The following ZNF799 variants were observed in gnomAD, a reference collection of about 807,000 sequenced individuals.
ZNF799 encodes the protein zinc finger protein 799.
In ZNF799, 28 loss-of-function variants were observed where a neutral mutation model predicts 41.0. The observed-to-expected ratio is 0.68, with a 90% CI of 0.51 to 0.94. The LOEUF is 0.94. Among genes scored for constraint, ZNF799 ranks in the 40% least tolerant of loss-of-function variants. ZNF799 has a pLI of 0.00. For synonymous variants in ZNF799, 213 were observed against 252.9 expected (o/e 0.84, Z 1.50); for missense variants, 716 against 764.3 (o/e 0.94, Z 0.74).
At chr19:12,392,454 G>C (rs1435396549) in intron 3 of ZNF799, 149 bp downstream of exon 3, 3 of 764,154 alleles carry the variant, frequency 3.9e-6, no homozygotes, top group Non-Finnish European at 6.5e-6. Flanking sequence ...AACAGCTATG[G>C]AACATTTAAG....
chr19:12,399,762 GC>G (rs1341384275), intron 1 of ZNF799, among the ~76,000 whole-genome samples: 1 of 150,796 alleles, frequency 6.6e-6, no homozygotes, highest in Non-Finnish European at 1.5e-5. Context: ...TCCCACCTCA[GC>G]CTCAGGAGTA....
the ZNF799 span, among the ~76,000 whole-genome samples, chr19:12,408,947 A>T: frequency 6.6e-6 from 1 of 152,014 alleles, no homozygotes; most frequent in African/African-American, 2.4e-5. Flanking sequence ...AGGCAGGAGA[A>T]TCACTTGCAC....
upstream of ZNF799, among the ~76,000 whole-genome samples, chr19:12,405,931 T>C (rs1487794853): frequency 6.6e-6 from 1 of 152,036 alleles, no homozygotes; most frequent in African/African-American, 2.4e-5. Context: ...TCCCAGCACT[T>C]TGGGAGGCCG....
Position 12,391,506 on chromosome 19 carries a change from T to A in ZNF799, c.892A>T (p.Arg298Ter). 6.2e-7 allele frequency: 1 copy of A among 1,614,106 alleles called. No homozygotes were observed. Among genetic ancestry groups the A allele is most frequent in the Admixed American group, 1.7e-5 (1 of 60,016 alleles). ...TCATCAGTGTGAGTTGTTTCGTGTC[T>A]TCGAAGGGAAGTGGAAGCACTGAAG... ...KAFSASTSLR[R>*]HETTHTDEKP... Residue 298 changes from arginine (R) to a stop codon, truncating the protein, a stop_gained, in exon 4 of 4, where the codon AGA becomes TGA. Transcript: ENST00000430385. LOFTEE classifies it high-confidence loss of function.
chr19:12,414,302 C>T, the ZNF799 span, among the ~76,000 whole-genome samples: 1 of 152,182 alleles, frequency 6.6e-6, no homozygotes, highest in Non-Finnish European at 1.5e-5. Context: ...ACAGAGCGAT[C>T]TTCTTGCCTA....
chr19:12,402,551 A>G (rs2144915030), upstream of ZNF799, among the ~76,000 whole-genome samples: 1 of 151,240 alleles, frequency 6.6e-6, no homozygotes, highest in East Asian at 2.0e-4. Flanking sequence ...CTCATTCATT[A>G]TCATGCTAGC....
rs1280951936 is a variant in ZNF799 at position 12,391,506 on chromosome 19, T to C, written c.892A>G (p.Arg298Gly). 2.5e-6 allele frequency: 4 copies of C among 1,614,106 alleles called. No homozygotes were observed. The highest frequency in any genetic ancestry group is 3.4e-6 in the Non-Finnish European group (4 of 1,179,972). ...TCATCAGTGTGAGTTGTTTCGTGTC[T>C]TCGAAGGGAAGTGGAAGCACTGAAG... Reference protein sequence around the residue: ...KAFSASTSLRRHETTHTDEKP... With the variant: ...KAFSASTSLRGHETTHTDEKP... The change falls in exon 4 of 4, where the codon AGA becomes GGA. Residue 298 changes from arginine to glycine, a missense_variant. Physicochemically the swap from Arg to Gly is moderately radical, Grantham distance 125. Transcript: ENST00000430385.
chr19:12,414,836 G>A, the ZNF799 span, among the ~76,000 whole-genome samples: 2 of 152,224 alleles, frequency 1.3e-5, no homozygotes, highest in East Asian at 3.9e-4. Context: ...GCCAAACTCT[G>A]ACTCCTGAAA....
rs1438615689 is a variant in ZNF799 at position 12,390,487 on chromosome 19, A to G, written c.1911T>C (p.His637=). The change falls in exon 4 of 4, where the codon CAT becomes CAC. Residue 637 remains histidine, a synonymous_variant. Coordinates refer to ENST00000430385, the MANE Select transcript of ZNF799 (RefSeq NM_001080821.3). ...AATGCTAGTGAGTCTTTTTATGTCT[A>G]TGCAAGGAACTGAGAGAAGCAAATG... is the stretch of plus-strand genomic sequence containing the variant. ...GKAFASLSSL[H]RHKKTH 6.2e-7 allele frequency: 1 copy of G among 1,613,968 alleles called. No homozygotes were observed. The highest frequency in any genetic ancestry group is 1.1e-5 in the South Asian group (1 of 91,074).
the ZNF799 span, among the ~76,000 whole-genome samples, chr19:12,411,128 A>T: frequency 1.3e-5 from 2 of 152,202 alleles, no homozygotes; most frequent in African/African-American, 4.8e-5. Flanking sequence ...GCCATGTAAG[A>T]ATATAAAAGG....
chr19:12,410,882 A>C, the ZNF799 span, among the ~76,000 whole-genome samples: 1 of 152,340 alleles, frequency 6.6e-6, no homozygotes, highest in African/African-American at 2.4e-5. Flanking sequence ...AATTAGACCC[A>C]TGTAATACGA....
intron 1 of ZNF799, among the ~76,000 whole-genome samples, chr19:12,398,455 T>C (rs902109409): frequency 2.0e-5 from 3 of 152,316 alleles, no homozygotes; most frequent in South Asian, 4.1e-4. Context: ...GGAAGGAAAT[T>C]GTAAGGCACT....
chr19:12,393,057 A>G (rs1178043030), intron 2 of ZNF799, among the ~76,000 whole-genome samples: 2 of 145,242 alleles, frequency 1.4e-5, no homozygotes, highest in Non-Finnish European at 3.0e-5. Context: ...GACATAAAAT[A>G]TATGTATTAA....
In ZNF799 at chr19:12,401,271, C is replaced by T. The variant is rs187635749; in HGVS notation, c.-201G>A. 633 of 1,371,976 alleles carry T rather than the reference C, an allele frequency of 4.6e-4. 3 individuals are homozygous for T. The African/African-American group carries it at 6.3e-3, about 14-fold the overall frequency. 85.0% of individuals were successfully genotyped at this position (1,371,976 alleles called of 1,614,324 possible). A position where few individuals can be genotyped will look rare whatever the true frequency, so the allele number is the denominator to read the frequency against. On this transcript the variant is annotated 5_prime_UTR_variant, in exon 1 of 4. Coordinates refer to ENST00000430385, the MANE Select transcript of ZNF799 (RefSeq NM_001080821.3). ...TCCTCTGGGAAGCGCGCCTGATTGACAGTTCCCACGAACCCGCCCCACGGC... is the reference window on the plus strand; with the variant it reads ...TCCTCTGGGAAGCGCGCCTGATTGATAGTTCCCACGAACCCGCCCCACGGC...
Position 12,391,013 on chromosome 19 carries a change from G to T in ZNF799, c.1385C>A (p.Ser462Tyr), listed in dbSNP as rs1419741296. ...KCGKAFIDFY[S>Y]FQNHKTTHAG... ...ATGAGTTGTTTTGTGATTTTGAAAG[G>T]AATAGAAATCAATAAAGGCTTTCCC... Residue 462 changes from serine to tyrosine, a missense_variant, in exon 4 of 4, where the codon TCC (serine) becomes TAC (tyrosine). By Grantham distance (144) the Ser-to-Tyr change is moderately radical. Transcript: ENST00000430385. The T allele has an allele frequency of 6.2e-7, 1 of 1,614,078 alleles. No individual in the cohort carries two copies. Among genetic ancestry groups the T allele is most frequent in the South Asian group, 1.1e-5 (1 of 91,068 alleles).
rs547178436 is a variant in ZNF799, at chr19:12,392,013, T to C, written c.385A>G (p.Lys129Glu). The C allele has an allele frequency of 1.4e-5, 23 of 1,614,210 alleles. No homozygotes were observed. The South Asian group carries it at 2.5e-4, about 18-fold the overall frequency. The change falls in exon 4 of 4, where the codon AAA becomes GAA. Residue 129 changes from lysine (K) to glutamate (E), a missense_variant. Physicochemically the swap from Lys to Glu is moderately conservative, Grantham distance 56 (BLOSUM62 1). This residue lies in a region of ZNF799 where 698 missense variants were observed against 713.6 expected (regional missense o/e 0.98). Transcript: ENST00000430385. The stretch of plus-strand genomic sequence containing the variant: ...CCACATTCATGATACTCATATGGTT[T>C]GTGCCCAGCACCAACTCTGATGTAA... ...NCYIRVGAGH[K>E]PYEYHECGEK...
the ZNF799 span, among the ~76,000 whole-genome samples, chr19:12,413,047 CAAAAAAA>C: frequency 1.1e-4 from 7 of 62,884 alleles, no homozygotes; most frequent in African/African-American, 6.0e-5. Flanking sequence ...ACTCCGTCTC[CAAAAAAA>C]AAAAAAAAAA....
the ZNF799 span, among the ~76,000 whole-genome samples, chr19:12,406,458 T>G: frequency 2.0e-5 from 3 of 149,100 alleles, no homozygotes; most frequent in Non-Finnish European, 4.4e-5. Context: ...GACTCCAGCC[T>G]GGGCAACAGA....
In ZNF799 at chr19:12,391,039, A is replaced by T; in HGVS notation, c.1359T>A (p.Cys453Ter). The T allele has an allele frequency of 6.2e-7, 1 of 1,614,162 alleles. No individual in the cohort carries two copies. Among genetic ancestry groups the T allele is most frequent in the Non-Finnish European group, 8.5e-7 (1 of 1,180,014 alleles). The part of the protein sequence containing the change: ...HTGEKPYKCK[C>*]GKAFIDFYSF... Reference sequence around the variant, plus strand: ...AATAGAAATCAATAAAGGCTTTCCCACATTTGCATTTATAGGGTTTCTCTC... The same window carrying T: ...AATAGAAATCAATAAAGGCTTTCCCTCATTTGCATTTATAGGGTTTCTCTC... Residue 453 changes from cysteine (C) to a stop codon, truncating the protein, a stop_gained, in exon 4 of 4, where the codon TGT (cysteine) becomes TGA (stop). Coordinates refer to ENST00000430385, the MANE Select transcript of ZNF799 (RefSeq NM_001080821.3). LOFTEE classifies it high-confidence loss of function.
Sources: gnomAD v4.1 joint callset for allele counts (sites outside exome capture counted in the v4.1 genomes callset) on GRCh38, gnomAD v4.1.1 for gene constraint, gnomAD v4.1.1 regional missense constraint, MANE v1.5 for transcripts, NCBI Gene and HGNC (gene_info 2026-07-23, HGNC 2026-07-21) for gene names.